EVC2: variants seen among roughly 807,000 people sequenced by gnomAD.
EVC2 encodes the protein EvC ciliary complex subunit 2.
In EVC2, 148 loss-of-function variants were observed where a neutral mutation model predicts 149.3. That is an observed-to-expected ratio of 0.99 (90% CI 0.87 to 1.14). EVC2 has a LOEUF of 1.14. Ranked by LOEUF, EVC2 falls within the 50% of genes most tolerant of loss-of-function variation. The pLI, the probability that EVC2 is intolerant of heterozygous loss-of-function variation, is 0.00. For missense variants in EVC2, 1,854 were observed against 1,627.3 expected, an observed-to-expected ratio of 1.14 and a Z score of -2.40; for synonymous variants, 776 against 649.9, an observed-to-expected ratio of 1.19 and a Z score of -2.95.
In EVC2 at chr4:5,618,511, C is replaced by T; in HGVS notation, c.2673G>A (p.Lys891=). ...CAGGGGCAGCCACGGCCTGGTCCAG[C>T]TTCACGAACTCTGCTTCTCGCCACG... is the stretch of plus-strand genomic sequence containing the variant. ...QTAWREAEFV[K]LDQAVAAPEL... The change falls in exon 15 of 22, where the codon AAG becomes AAA. Residue 891 remains lysine (K), a synonymous_variant. Transcript: ENST00000344408. This position sits in a 1 kb window ranked among gnomAD's most constrained non-coding sequence, Gnocchi z 4.4. 1 of 1,613,762 alleles carries T rather than the reference C, an allele frequency of 6.2e-7. No homozygotes were observed. The highest frequency in any genetic ancestry group is 8.5e-7 in the Non-Finnish European group (1 of 1,180,046).
At chr4:5,661,695 T>C (rs1000056600) in intron 9 of EVC2, among the ~76,000 whole-genome samples, 1 of 152,244 alleles carries the variant, frequency 6.6e-6, no homozygotes. Flanking sequence ...CTGATGAACC[T>C]CATCTAGTTA....
At chr4:5,645,220 C>T (rs908234028) in intron 9 of EVC2, among the ~76,000 whole-genome samples, 19 of 151,348 alleles carry the variant, frequency 1.3e-4, no homozygotes, top group African/African-American at 3.9e-4. Flanking sequence ...TCCCATCAAC[C>T]GTGCATCTAA....
intron 7 of EVC2, among the ~76,000 whole-genome samples, chr4:5,667,992 G>T (rs944224414): frequency 1.5e-4 from 23 of 152,278 alleles, no homozygotes; most frequent in African/African-American, 5.3e-4. Flanking sequence ...CTTTTCTAAG[G>T]ATAGCAGCCT....
At chr4:5,570,018 G>C (rs1284015767) in intron 19 of EVC2, among the ~76,000 whole-genome samples, 1 of 152,104 alleles carries the variant, frequency 6.6e-6, no homozygotes, top group African/African-American at 2.4e-5. Flanking sequence ...TCTCTCTCCA[G>C]CGCATTCTTT....
intron 17 of EVC2, among the ~76,000 whole-genome samples, chr4:5,584,254 T>C (rs1214694690): frequency 2.0e-5 from 3 of 152,184 alleles, no homozygotes; most frequent in Non-Finnish European, 4.4e-5. Flanking sequence ...ATAATGCTAA[T>C]AATTAGAATT....
chr4:5,577,893 A>C (rs912186177), intron 17 of EVC2, among the ~76,000 whole-genome samples: 3 of 152,096 alleles, frequency 2.0e-5, no homozygotes, highest in Admixed American at 6.6e-5. Flanking sequence ...CAGGAGCTGG[A>C]GACAGAGACC....
intron 21 of EVC2, among the ~76,000 whole-genome samples, chr4:5,554,291 T>G (rs1337649558): frequency 2.6e-5 from 4 of 152,194 alleles, no homozygotes; most frequent in Admixed American, 2.0e-4. Flanking sequence ...TATCTGGAGT[T>G]AGAAGCTGCT....
intron 10 of EVC2, among the ~76,000 whole-genome samples, chr4:5,635,464 C>A (rs73794684): frequency 1.5e-5 from 2 of 135,032 alleles, no homozygotes; most frequent in African/African-American, 7.8e-5. Context: ...CAAGTGTCCC[C>A]TGGAGGGAGT....
Position 5,682,650 on chromosome 4 carries a change from G to A in EVC2, c.817-1337C>T, listed in dbSNP as rs186235180. Among the ~76,000 whole-genome samples, 1,048 of 151,804 alleles carry A rather than the reference G, an allele frequency of 6.9e-3. 17 individuals are homozygous for A. Among genetic ancestry groups the A allele is most frequent in the African/African-American group, 0.024 (998 of 41,390 alleles). On this transcript the variant is annotated intron_variant, in intron 6 of 21. Transcript: ENST00000344408. ...GAGGCGGGTGGATCACCTGAGGTCA[G>A]GAGCTTGAGACCAGCCTGGCCAACA...
chr4:5,541,375 A>C (rs1721510863), downstream of EVC2, among the ~76,000 whole-genome samples: 1 of 152,210 alleles, frequency 6.6e-6, no homozygotes, highest in Non-Finnish European at 1.5e-5. Context: ...AGTGGTGACG[A>C]ACACAGTGAG....
intron 7 of EVC2, among the ~76,000 whole-genome samples, 197 bp downstream of exon 7, chr4:5,681,063 G>T (rs1468749270): frequency 6.6e-6 from 1 of 152,184 alleles, no homozygotes; most frequent in Non-Finnish European, 1.5e-5. Context: ...TGTCCAGGTG[G>T]AGGGTCATCC....
At chr4:5,653,966 C>T (rs905030191) in intron 9 of EVC2, among the ~76,000 whole-genome samples, 1 of 152,210 alleles carries the variant, frequency 6.6e-6, no homozygotes, top group Non-Finnish European at 1.5e-5. Flanking sequence ...GTAATCCCAG[C>T]ACTTTGGGAG....
At chr4:5,645,329 G>C (rs1477917016) in intron 9 of EVC2, among the ~76,000 whole-genome samples, 1 of 151,488 alleles carries the variant, frequency 6.6e-6, no homozygotes, top group Non-Finnish European at 1.5e-5. Context: ...GTGTCATGGG[G>C]GTTTGTTGTG....
chr4:5,662,991 CAG>C, intron 9 of EVC2, 114 bp downstream of exon 9: 1 of 1,394,014 alleles, frequency 7.2e-7, no homozygotes, highest in Admixed American at 1.7e-5. Context: ...ATTATGACTA[CAG>C]AGTGACAAAT....
At chr4:5,566,211 A>G (rs1266424102) in intron 20 of EVC2, among the ~76,000 whole-genome samples, 1 of 152,190 alleles carries the variant, frequency 6.6e-6, no homozygotes, top group African/African-American at 2.4e-5. Flanking sequence ...GGCGTTGGAG[A>G]GTGTTGCCCG....
chr4:5,600,812 C>A lies in EVC2; in HGVS notation c.2829+14610G>T, dbSNP rs184528360. ...CATTAGGAAACAGGCTCCCAGAATTCCCCCCACCCATCCTTTGCTCAGCAG... is the reference window on the plus strand; with the variant it reads ...CATTAGGAAACAGGCTCCCAGAATTACCCCCACCCATCCTTTGCTCAGCAG... On this transcript the variant is annotated intron_variant, in intron 16 of 21. Coordinates refer to ENST00000344408, the MANE Select transcript of EVC2 (RefSeq NM_147127.5). Among the ~76,000 whole-genome samples the A allele has an allele frequency of 3.9e-5, 6 of 152,218 alleles. No homozygotes were observed. The East Asian group carries it at 1.2e-3, about 29-fold the overall frequency.
rs967526397 is a variant in EVC2 at position 5,640,598 on chromosome 4, T to C, written c.1386A>G (p.Thr462=). Residue 462 remains threonine (T), a synonymous_variant, in exon 10 of 22, where the codon ACA becomes ACG. Coordinates refer to ENST00000344408, the MANE Select transcript of EVC2 (RefSeq NM_147127.5). This position sits in a 1 kb window ranked among gnomAD's most constrained non-coding sequence, Gnocchi z 4.6. The stretch of plus-strand genomic sequence containing the variant: ...GGTACTGGTTTTCCATCTTCTTTCT[T>C]GTTTCCAGGTCACATTCAGCTGTCA... ...VALTAECDLE[T]RKKMENQYQR... is the part of the protein sequence containing the mutation. The C allele has an allele frequency of 1.9e-6, 3 of 1,614,180 alleles. No individual in the cohort carries two copies. The highest frequency in any genetic ancestry group is 2.5e-6 in the Non-Finnish European group (3 of 1,180,030).
intron 16 of EVC2, among the ~76,000 whole-genome samples, chr4:5,606,640 A>C (rs575377832): frequency 6.6e-6 from 1 of 152,304 alleles, no homozygotes; most frequent in Admixed American, 6.5e-5. Flanking sequence ...GCATGCAAAA[A>C]AGCAGGAATA....
downstream of EVC2, among the ~76,000 whole-genome samples, chr4:5,561,525 C>G (rs1185523063): frequency 6.6e-6 from 1 of 152,212 alleles, no homozygotes; most frequent in Non-Finnish European, 1.5e-5. Context: ...CTGCTGTCCC[C>G]TGGGAGAAGT....
Sources: allele counts gnomAD v4.1 joint callset (sites outside exome capture counted in the v4.1 genomes callset), GRCh38; gene constraint gnomAD v4.1.1; non-coding constraint Gnocchi (gnomAD v3.1); transcripts MANE v1.5; gene names NCBI Gene and HGNC (gene_info 2026-07-23, HGNC 2026-07-21).